The following CCDC192 variants were observed in gnomAD, a reference collection of about 807,000 sequenced individuals.
CCDC192 encodes the protein coiled-coil domain-containing protein 192.
chr5:127,703,612 A>G lies in CCDC192; in HGVS notation c.62+105A>G, dbSNP rs115992226. On this transcript the variant is annotated intron_variant, in intron 1 of 6. Coordinates refer to ENST00000514853, the MANE Select transcript of CCDC192 (RefSeq NM_001317938.2). ...AAAATCTTTCTTTAAAGTCTGGGGA[A>G]TAACAGCAGACAGACTTTTTATCCT... 1,309 of 391,006 alleles carry G rather than the reference A, an allele frequency of 3.3e-3. 15 individuals carry two copies. Among genetic ancestry groups the G allele is most frequent in the African/African-American group, 0.024 (1,188 of 48,566 alleles). The allele number at this position is 391,006 out of a possible 1,614,324, so 24.2% of individuals were successfully genotyped here.
intron 6 of CCDC192, among the ~76,000 whole-genome samples, chr5:127,934,144 ATT>A (rs1296985179): frequency 2.0e-5 from 3 of 151,984 alleles, no homozygotes; most frequent in African/African-American, 7.2e-5. Context: ...ACCCCATGTC[ATT>A]CAGGCTGCAG....
At chr5:127,761,540 A>G (rs1304152923) in intron 3 of CCDC192, among the ~76,000 whole-genome samples, 1 of 151,984 alleles carries the variant, frequency 6.6e-6, no homozygotes, top group Non-Finnish European at 1.5e-5. Flanking sequence ...GTGCATGTGT[A>G]TGTTGGAGTG....
At chr5:127,789,944 C>T (rs1467399590) in intron 3 of CCDC192, among the ~76,000 whole-genome samples, 1 of 152,154 alleles carries the variant, frequency 6.6e-6, no homozygotes, top group Non-Finnish European at 1.5e-5. Flanking sequence ...GTGGTAGAGC[C>T]CTTGGGGTTT....
rs188084384 is a variant in CCDC192 at position 127,899,955 on chromosome 5, A to G, written c.535+24294A>G. ...TTAACTAATACCTTCAGATTCCCAA[A>G]GAAAACTGCCAAGCTGATTCCAAAA... On this transcript the variant is annotated intron_variant, in intron 6 of 6. Coordinates refer to ENST00000514853, the MANE Select transcript of CCDC192 (RefSeq NM_001317938.2). Among the ~76,000 whole-genome samples the G allele has an allele frequency of 1.2e-4, 18 of 152,334 alleles. No individual in the cohort carries two copies. The East Asian group carries it at 1.9e-3, about 16-fold the overall frequency.
intron 5 of CCDC192, among the ~76,000 whole-genome samples, chr5:127,832,794 C>A (rs1321703856): frequency 6.6e-6 from 1 of 152,112 alleles, no homozygotes; most frequent in East Asian, 1.9e-4. Context: ...TAGCTAAAAA[C>A]CAAACAAAAT....
At chr5:127,718,114 T>A (rs1751746125) in intron 2 of CCDC192, among the ~76,000 whole-genome samples, 6 of 152,098 alleles carry the variant, frequency 3.9e-5, no homozygotes, top group Admixed American at 2.0e-4. Context: ...CTGGGAAGTG[T>A]CCTTTAGAAA....
intron 3 of CCDC192, among the ~76,000 whole-genome samples, chr5:127,794,799 T>G (rs1367117034): frequency 6.6e-6 from 1 of 152,012 alleles, no homozygotes; most frequent in Non-Finnish European, 1.5e-5. Flanking sequence ...ATGGATCACA[T>G]AACAAACAGG....
At chr5:127,730,536 T>C (rs561562948) in intron 2 of CCDC192, among the ~76,000 whole-genome samples, 5 of 152,098 alleles carry the variant, frequency 3.3e-5, no homozygotes, top group Non-Finnish European at 7.4e-5. Flanking sequence ...GCCAACATTA[T>C]CCTGATACCA....
intron 2 of CCDC192, among the ~76,000 whole-genome samples, chr5:127,752,132 A>G (rs1257046044): frequency 6.6e-6 from 1 of 152,218 alleles, no homozygotes; most frequent in Admixed American, 6.5e-5. Flanking sequence ...GTCATTCTCC[A>G]TCCAGCTTTG....
At chr5:127,805,345 C>T (rs1757723059) in intron 5 of CCDC192, among the ~76,000 whole-genome samples, 1 of 152,162 alleles carries the variant, frequency 6.6e-6, no homozygotes, top group South Asian at 2.1e-4. Flanking sequence ...CAGCAAATAG[C>T]TGGTATGTAG....
At chr5:127,878,510 G>A (rs1166965604) in intron 6 of CCDC192, among the ~76,000 whole-genome samples, 2 of 152,174 alleles carry the variant, frequency 1.3e-5, no homozygotes, top group Non-Finnish European at 2.9e-5. Flanking sequence ...ATATCTCCTA[G>A]CCAGGCATGG....
chr5:127,890,188 G>A (rs1057309808), intron 6 of CCDC192, among the ~76,000 whole-genome samples: 2 of 152,082 alleles, frequency 1.3e-5, no homozygotes, highest in African/African-American at 4.8e-5. Flanking sequence ...GACTAGGCAG[G>A]ATAGTGAGAC....
rs1750049829 is a variant in CCDC192 at position 127,836,624 on chromosome 5, A to C, written c.411+38462A>C. Among the ~76,000 whole-genome samples the C allele has an allele frequency of 1.3e-5, 2 of 151,996 alleles. 1 individual carries two copies. The highest frequency in any genetic ancestry group is 1.3e-4 in the Admixed American group (2 of 15,264). On this transcript the variant is annotated intron_variant, in intron 5 of 6. Coordinates refer to ENST00000514853, the MANE Select transcript of CCDC192 (RefSeq NM_001317938.2). Reference sequence around the variant, plus strand: ...AGAAGTTCCCAAACCTTAATTTTTGACTGCTGTGCACCTGCAGGCTCAACA... The same window carrying C: ...AGAAGTTCCCAAACCTTAATTTTTGCCTGCTGTGCACCTGCAGGCTCAACA...
Position 127,703,486 on chromosome 5 carries a change from C to CG in CCDC192, c.41_42insG (p.Asp15Ter), listed in dbSNP as rs1750791565. The CG allele has an allele frequency of 2.5e-6, 1 of 399,016 alleles. No individual in the cohort carries two copies. The highest frequency in any genetic ancestry group is 1.3e-4 in the South Asian group (1 of 7,848). The allele number at this position is 399,016 out of a possible 1,614,324, so 24.7% of individuals were successfully genotyped here. On this transcript the variant is annotated frameshift_variant, in exon 1 of 7. Transcript: ENST00000514853. LOFTEE classifies it high-confidence loss of function. ...AGCAAGAAATCTGTGGTCCCAGAGTCTGACACCTCAGAGAGAAGCAGGTGA... is the reference window on the plus strand; with the variant it reads ...AGCAAGAAATCTGTGGTCCCAGAGTCGTGACACCTCAGAGAGAAGCAGGTGA...
At chr5:127,929,035 G>T (rs1753945442) in intron 6 of CCDC192, among the ~76,000 whole-genome samples, 1 of 152,066 alleles carries the variant, frequency 6.6e-6, no homozygotes, top group South Asian at 2.1e-4. Flanking sequence ...AAAGTGTTGG[G>T]ATTACAGGCA....
intron 5 of CCDC192, among the ~76,000 whole-genome samples, chr5:127,851,925 T>G (rs1427539943): frequency 1.3e-5 from 2 of 152,232 alleles, no homozygotes; most frequent in Non-Finnish European, 2.9e-5. Flanking sequence ...TACTGTGTGT[T>G]CCAAGAATGG....
intron 6 of CCDC192, among the ~76,000 whole-genome samples, chr5:127,904,181 T>C (rs1753135094): frequency 6.6e-6 from 1 of 152,316 alleles, no homozygotes; most frequent in South Asian, 2.1e-4. Context: ...CCAAGAAATA[T>C]GGACAGCCTC....
chr5:127,800,402 C>CAAAAAAAAAA (rs772597286), intron 5 of CCDC192, among the ~76,000 whole-genome samples: 7 of 88,290 alleles, frequency 7.9e-5, no homozygotes, highest in East Asian at 4.6e-4. Flanking sequence ...AAAAAAAAAA[C>CAAAAAAAAAA]AACAACAACA....
At chr5:127,798,194 ATT>A (rs1757283620) in intron 5 of CCDC192, 32 bp downstream of exon 5, 1 of 397,822 alleles carries the variant, frequency 2.5e-6, no homozygotes, top group African/African-American at 2.1e-5. Context: ...TCATCCCTTT[ATT>A]TATGTCATTG....
Sources: allele counts gnomAD v4.1 joint callset (sites outside exome capture counted in the v4.1 genomes callset), GRCh38; gene constraint gnomAD v4.1.1; transcripts MANE v1.5; gene names NCBI Gene and HGNC (gene_info 2026-07-23, HGNC 2026-07-21).